GRM7: variants seen among roughly 807,000 people sequenced by gnomAD.
GRM7 encodes glutamate metabotropic receptor 7, also known as metabotropic glutamate receptor 7.
Under a neutral mutation model 84.5 loss-of-function variants are expected in GRM7, and 35 were observed. The ratio of observed to expected loss-of-function variants is 0.41; its 90% CI spans 0.32 to 0.55. The LOEUF (loss-of-function observed/expected upper bound fraction) is 0.55, where lower values mean the gene tolerates loss of function less well. GRM7 is among the 20% of genes least tolerant of loss of function. The pLI, the probability that GRM7 is intolerant of heterozygous loss-of-function variation, is 0.19. For missense variants in GRM7, 1,003 were observed against 1,194.6 expected (o/e 0.84, Z 2.36); for synonymous variants, 487 against 455.1 (o/e 1.07, Z -0.89).
At chr3:7,242,379 C>T (rs1271765845) in intron 2 of GRM7, among the ~76,000 whole-genome samples, 2 of 152,142 alleles carry the variant, frequency 1.3e-5, no homozygotes, top group Non-Finnish European at 2.9e-5. Context: ...GTCTTTCTCA[C>T]CTTTAAATTG....
At chr3:7,281,949 A>G (rs1176443652) in intron 2 of GRM7, among the ~76,000 whole-genome samples, 1 of 152,262 alleles carries the variant, frequency 6.6e-6, no homozygotes. Flanking sequence ...CGGGCGTGGC[A>G]GCGTGAGGCT....
chr3:7,122,514 A>G (rs1023176954), intron 1 of GRM7, among the ~76,000 whole-genome samples: 11 of 152,184 alleles, frequency 7.2e-5, no homozygotes, highest in Admixed American at 1.3e-4. Context: ...CTGTGTTTTA[A>G]TATGATTAGC....
chr3:7,101,526 C>G (rs1699107810), intron 1 of GRM7, among the ~76,000 whole-genome samples: 1 of 151,444 alleles, frequency 6.6e-6, no homozygotes, highest in African/African-American at 2.4e-5. Context: ...ATTTTGTACT[C>G]AGTTCATTTG....
intron 5 of GRM7, among the ~76,000 whole-genome samples, chr3:7,429,185 A>G (rs2124844756): frequency 6.6e-6 from 1 of 151,640 alleles, no homozygotes; most frequent in African/African-American, 2.4e-5. Context: ...AATAATGATG[A>G]TAGAGTTTTG....
rs1697113580 is a variant in GRM7 at position 7,229,747 on chromosome 3, ATATATATATATATTTTTTT to A, written c.737-68935_737-68917del. Among the ~76,000 whole-genome samples the A allele has an allele frequency of 9.4e-4, 28 of 29,766 alleles. 1 individual carries two copies. The highest frequency in any genetic ancestry group is 1.5e-3 in the Non-Finnish European group (23 of 15,570). The allele number at this position is 29,766 out of a possible 152,430, so 19.5% of individuals were successfully genotyped here. A position where few individuals can be genotyped will look rare whatever the true frequency, so the allele number is the denominator to read the frequency against. On this transcript the variant is annotated intron_variant, in intron 2 of 9. Coordinates refer to ENST00000357716, the MANE Select transcript of GRM7 (RefSeq NM_000844.4). ...CACACATATATATATATATATATAT[ATATATATATATATTTTTTT>A]TTTTTTTTGGTTGACAGGTGTTGAG... is the stretch of plus-strand genomic sequence containing the variant.
intron 2 of GRM7, among the ~76,000 whole-genome samples, chr3:7,232,502 T>C (rs1222602497): frequency 6.6e-6 from 1 of 152,136 alleles, no homozygotes; most frequent in Non-Finnish European, 1.5e-5. Context: ...AAGTATCAGA[T>C]GATAGGATGA....
intron 7 of GRM7, among the ~76,000 whole-genome samples, chr3:7,518,145 G>C (rs953531140): frequency 1.3e-5 from 2 of 152,186 alleles, no homozygotes; most frequent in Non-Finnish European, 2.9e-5. Context: ...TGGGGCTTTA[G>C]TTCCCAAAAG....
At chr3:7,030,529 C>A (rs1049957484) in intron 1 of GRM7, among the ~76,000 whole-genome samples, 3 of 152,170 alleles carry the variant, frequency 2.0e-5, no homozygotes, top group Non-Finnish European at 4.4e-5. Context: ...TAAACTGACA[C>A]AGTACCAATG....
intron 2 of GRM7, among the ~76,000 whole-genome samples, chr3:7,172,200 A>G (rs779037801): frequency 5.3e-5 from 8 of 152,088 alleles, no homozygotes; most frequent in African/African-American, 1.9e-4. Flanking sequence ...GGGGTTTTAT[A>G]TGATAATTTT....
intron 6 of GRM7, among the ~76,000 whole-genome samples, chr3:7,459,236 G>T (rs536407959): frequency 2.0e-5 from 3 of 152,282 alleles, no homozygotes; most frequent in Non-Finnish European, 4.4e-5. Context: ...CAGGAGATCG[G>T]TGTCCACTCC....
intron 7 of GRM7, among the ~76,000 whole-genome samples, chr3:7,479,769 A>G (rs1699060175): frequency 6.6e-6 from 1 of 152,216 alleles, no homozygotes; most frequent in East Asian, 1.9e-4. Context: ...TAGGCAATAA[A>G]TAAGTGGAGT....
chr3:6,872,619 CCA>C (rs1388030204), intron 1 of GRM7, among the ~76,000 whole-genome samples: 1 of 152,064 alleles, frequency 6.6e-6, no homozygotes, highest in Admixed American at 6.6e-5. Flanking sequence ...CTTAGCCCCC[CCA>C]ACCCCCGACA....
chr3:7,587,934 G>A (rs1456115882), intron 8 of GRM7, among the ~76,000 whole-genome samples: 1 of 152,068 alleles, frequency 6.6e-6, no homozygotes, highest in Non-Finnish European at 1.5e-5. Context: ...AAGAACGTTA[G>A]ATGGGAACTC....
At chr3:7,124,422 C>T (rs1033371556) in intron 1 of GRM7, among the ~76,000 whole-genome samples, 6 of 152,150 alleles carry the variant, frequency 3.9e-5, no homozygotes, top group Non-Finnish European at 8.8e-5. Flanking sequence ...AGGAGAATCG[C>T]TTCAACCCGG....
chr3:7,093,100 A>G (rs907305853), intron 1 of GRM7, among the ~76,000 whole-genome samples: 3 of 152,126 alleles, frequency 2.0e-5, no homozygotes, highest in African/African-American at 7.2e-5. Flanking sequence ...GACAACAACA[A>G]TAAAAAGGAA....
At position 6,876,361 on chromosome 3, in the gene GRM7, A is replaced by G. The variant is rs551419168; in HGVS notation, c.519+14454A>G. Among the ~76,000 whole-genome samples, 32 of 152,122 alleles carry G rather than the reference A, an allele frequency of 2.1e-4. 1 individual carries two copies. In the South Asian group the frequency reaches 6.2e-3, roughly 30 times the overall value. ...CTGTTTGTTTGCTTCTCCCCAGTTA[A>G]TATTAGCTAATGCCTTGAGTGCTTG... is the stretch of plus-strand genomic sequence containing the variant. On this transcript the variant is annotated intron_variant, in intron 1 of 9. Transcript: ENST00000357716.
At chr3:6,905,156 G>A (rs192439634) in intron 1 of GRM7, among the ~76,000 whole-genome samples, 1 of 152,158 alleles carries the variant, frequency 6.6e-6, no homozygotes, top group Admixed American at 6.5e-5. Flanking sequence ...TTAAAAAAAG[G>A]TTGGATTTGT....
At position 7,452,792 on chromosome 3, in the gene GRM7, A is replaced by C; in HGVS notation, c.1360A>C (p.Asn454His). The change falls in exon 6 of 10, where the codon AAT (asparagine) becomes CAT (histidine). Residue 454 changes from asparagine to histidine, a missense_variant. Asn to His is a moderately conservative substitution (Grantham distance 68). Transcript: ENST00000357716. ...GGKKLLKYIR[N>H]VNFNGSAGTP... Reference sequence around the variant, plus strand: ...CAAGAAGTTGCTGAAGTATATACGCAATGTTAATTTCAATGGTGAGTCTCC... The same window carrying C: ...CAAGAAGTTGCTGAAGTATATACGCCATGTTAATTTCAATGGTGAGTCTCC... The C allele has an allele frequency of 6.2e-7, 1 of 1,609,822 alleles. No individual in the cohort carries two copies. Among genetic ancestry groups the C allele is most frequent in the Non-Finnish European group, 8.5e-7 (1 of 1,176,528 alleles).
intron 1 of GRM7, among the ~76,000 whole-genome samples, chr3:6,877,809 TCA>T (rs3220585): frequency 0.15 from 22,098 of 145,320 alleles, 1,648 homozygotes; most frequent in East Asian, 0.19. Flanking sequence ...TACACAGATA[TCA>T]CACACACACA....
Sources: gnomAD v4.1 joint callset for allele counts (sites outside exome capture counted in the v4.1 genomes callset) on GRCh38, gnomAD v4.1.1 for gene constraint, MANE v1.5 for transcripts, NCBI Gene and HGNC (gene_info 2026-07-23, HGNC 2026-07-21) for gene names.